Variants in THNSL1 observed in about 807,000 individuals in gnomAD.
THNSL1 encodes the protein threonine synthase like 1.
In THNSL1, 48 loss-of-function variants were observed where a neutral mutation model predicts 50.4. That is an observed-to-expected ratio of 0.95 (90% confidence interval 0.76 to 1.21). The LOEUF (loss-of-function observed/expected upper bound fraction) is 1.21, where lower values mean the gene tolerates loss of function less well. Among genes scored for constraint, THNSL1 ranks in the 50% most tolerant of loss-of-function variants. THNSL1 has a pLI of 0.00. For synonymous variants in THNSL1, 309 were observed against 306.1 expected (o/e 1.01, Z -0.10); for missense variants, 896 against 871.7 (o/e 1.03, Z -0.35).
At chr10:24,952,663 G>A in the THNSL1 span, 1 of 717,594 alleles carries the variant, frequency 1.4e-6, no homozygotes, top group South Asian at 1.8e-5. This position sits in a 1 kb window ranked among gnomAD's most constrained non-coding sequence, Gnocchi z 5.1. Flanking sequence ...CGTGGGGATG[G>A]GGACGGGGAC....
the THNSL1 span, among the ~76,000 whole-genome samples, chr10:24,971,105 C>CT: frequency 0.013 from 1,911 of 145,408 alleles, 40 homozygotes; most frequent in African/African-American, 0.041. Context: ...ACACTCACTG[C>CT]TTTTTTTTTT....
At chr10:24,970,173 G>A in the THNSL1 span, among the ~76,000 whole-genome samples, 1 of 152,164 alleles carries the variant, frequency 6.6e-6, no homozygotes, top group Non-Finnish European at 1.5e-5. Context: ...CCATAGGATG[G>A]GCTGCATATT....
chr10:24,999,202 T>C, the THNSL1 span, among the ~76,000 whole-genome samples: 1 of 152,202 alleles, frequency 6.6e-6, no homozygotes, highest in Non-Finnish European at 1.5e-5. Context: ...ATCTAAAGTC[T>C]ATTCTGGGGG....
the THNSL1 span, among the ~76,000 whole-genome samples, chr10:24,972,243 C>T: frequency 5.4e-5 from 8 of 148,194 alleles, no homozygotes; most frequent in East Asian, 1.2e-3. Flanking sequence ...AGTGGTGGCT[C>T]GCGCCTGTAA....
At chr10:24,967,214 ATGTGTGTGCG>A in the THNSL1 span, among the ~76,000 whole-genome samples, 1 of 151,244 alleles carries the variant, frequency 6.6e-6, no homozygotes, top group Non-Finnish European at 1.5e-5. Context: ...ATGTGTGTGC[ATGTGTGTGCG>A]TGCATGCACT....
At chr10:24,952,624 G>C in the THNSL1 span, 39 of 1,526,882 alleles carry the variant, frequency 2.6e-5, 2 homozygotes, top group South Asian at 4.4e-4. This position sits in a 1 kb window ranked among gnomAD's most constrained non-coding sequence, Gnocchi z 5.1. Flanking sequence ...GAAGGAGCAG[G>C]GAGGGCGAAG....
At chr10:24,999,258 C>T in the THNSL1 span, 1 of 793,488 alleles carries the variant, frequency 1.3e-6, no homozygotes, top group Non-Finnish European at 1.9e-6. Flanking sequence ...TTCTCTACTT[C>T]CACTTTCTCC....
At chr10:24,974,270 T>A in the THNSL1 span, among the ~76,000 whole-genome samples, 4 of 148,470 alleles carry the variant, frequency 2.7e-5, no homozygotes, top group African/African-American at 1.1e-4. Flanking sequence ...TGAATTCTGA[T>A]GTGATTTTTA....
the THNSL1 span, among the ~76,000 whole-genome samples, chr10:24,964,330 G>A: frequency 5.3e-5 from 8 of 152,288 alleles, no homozygotes; most frequent in African/African-American, 1.2e-4. Context: ...TGATAGACCC[G>A]TAGACAGTAG....
the THNSL1 span, among the ~76,000 whole-genome samples, chr10:24,952,913 C>T: frequency 6.6e-6 from 1 of 151,882 alleles, no homozygotes; most frequent in Non-Finnish European, 1.5e-5. The surrounding 1 kb of genome is among the most constrained non-coding windows in gnomAD (Gnocchi z 5.1). Flanking sequence ...CAGCCCCCGG[C>T]CCCGCCGCCA....
At chr10:25,008,500 T>C in the THNSL1 span, among the ~76,000 whole-genome samples, 1 of 152,208 alleles carries the variant, frequency 6.6e-6, no homozygotes, top group Non-Finnish European at 1.5e-5. Flanking sequence ...AACATGTAAG[T>C]GTTAACAGTA....
rs762734713 is a variant in THNSL1 at position 25,024,136 on chromosome 10, A to C, written c.913A>C (p.Ile305Leu). 2 of 1,614,192 alleles carry C rather than the reference A, an allele frequency of 1.2e-6. No homozygotes were observed. Among genetic ancestry groups the C allele is most frequent in the Non-Finnish European group, 1.7e-6 (2 of 1,180,022 alleles). The change falls in exon 3 of 3, where the codon ATA becomes CTA. Residue 305 changes from isoleucine (I) to leucine (L), a missense_variant. Coordinates refer to ENST00000376356, the MANE Select transcript of THNSL1 (RefSeq NM_024838.5). ...GGAAAGATGTATCCATCCTGCAGACATACCTGCTGCCAGGTTGGGAGAAAT... is the reference window on the plus strand; with the variant it reads ...GGAAAGATGTATCCATCCTGCAGACCTACCTGCTGCCAGGTTGGGAGAAAT... ...LLERCIHPADIPAARLGEMIE... is the reference protein window; with the variant it reads ...LLERCIHPADLPAARLGEMIE...
chr10:25,013,800 G>C (rs2132725979), upstream of THNSL1, among the ~76,000 whole-genome samples: 1 of 152,232 alleles, frequency 6.6e-6, no homozygotes, highest in Non-Finnish European at 1.5e-5. Flanking sequence ...AAATTAGCCA[G>C]GCATGGTAGC....
the THNSL1 span, among the ~76,000 whole-genome samples, chr10:25,011,297 T>G: frequency 6.6e-6 from 1 of 152,256 alleles, no homozygotes; most frequent in South Asian, 2.1e-4. Flanking sequence ...GGGTTGTTTG[T>G]TTTTTTCTTG....
At chr10:24,981,610 TTAA>T in the THNSL1 span, among the ~76,000 whole-genome samples, 9 of 152,324 alleles carry the variant, frequency 5.9e-5, no homozygotes, top group Admixed American at 2.0e-4. Flanking sequence ...TTGAGAGCTC[TTAA>T]TAATAAGTCA....
At chr10:24,998,971 A>C in the THNSL1 span, among the ~76,000 whole-genome samples, 1 of 152,204 alleles carries the variant, frequency 6.6e-6, no homozygotes, top group Non-Finnish European at 1.5e-5. Flanking sequence ...CGTACTCAAA[A>C]TGAGCCCAGT....
At chr10:25,008,058 G>A in the THNSL1 span, among the ~76,000 whole-genome samples, 2 of 150,708 alleles carry the variant, frequency 1.3e-5, no homozygotes, top group African/African-American at 4.9e-5. Flanking sequence ...TGGACAAAAT[G>A]TAAGAGATGA....
rs760275319 is a variant in THNSL1 at position 25,024,909 on chromosome 10, G to A, written c.1686G>A (p.Pro562=). The change falls in exon 3 of 3, where the codon CCG becomes CCA. Residue 562 remains proline (P), a synonymous_variant. Transcript: ENST00000376356. ...GAAAACTAGCACAAACCTTTTCACC[G>A]TCAATAGATATTCTCAAATCTTCAA... ...RERKLAQTFS[P]SIDILKSSNL... is the part of the protein sequence containing the mutation. 2.2e-5 allele frequency: 36 copies of A among 1,613,588 alleles called. No individual in the cohort carries two copies. Among genetic ancestry groups the A allele is most frequent in the African/African-American group, 1.6e-4 (12 of 74,904 alleles).
the THNSL1 span, chr10:24,952,542 C>G: frequency 3.1e-6 from 5 of 1,590,638 alleles, no homozygotes; most frequent in South Asian, 1.1e-5. This position sits in a 1 kb window ranked among gnomAD's most constrained non-coding sequence, Gnocchi z 5.1. Context: ...ACGCCTCGCC[C>G]GTAGTCTGGC....
Sources: allele counts gnomAD v4.1 joint callset (sites outside exome capture counted in the v4.1 genomes callset), GRCh38; gene constraint gnomAD v4.1.1; non-coding constraint Gnocchi (gnomAD v3.1); transcripts MANE v1.5; gene names NCBI Gene and HGNC (gene_info 2026-07-23, HGNC 2026-07-21).